Variants in ROBO2 observed in about 807,000 individuals in gnomAD.
ROBO2 encodes roundabout homolog 2.
ROBO2 carries 53 observed loss-of-function variants against 160.8 expected under a neutral mutation model. That is an observed-to-expected ratio of 0.33 (90% CI 0.26 to 0.41). ROBO2 has a LOEUF of 0.41. Among genes scored for constraint, ROBO2 ranks in the 10% least tolerant of loss-of-function variants. The pLI, the probability that ROBO2 is intolerant of heterozygous loss-of-function variation, is 1.00. For missense variants in ROBO2, 1,577 were observed against 1,722.4 expected (o/e 0.92, Z 1.49); for synonymous variants, 664 against 611.7 (o/e 1.09, Z -1.26).
intron 1 of ROBO2, among the ~76,000 whole-genome samples, chr3:77,069,110 T>C (rs1036119574): frequency 6.6e-6 from 1 of 152,154 alleles, no homozygotes; most frequent in African/African-American, 2.4e-5. Flanking sequence ...CCTAAATATT[T>C]ACAGTCTTGC....
At chr3:76,123,736 T>C (rs2070848277) in intron 2 of ROBO2, among the ~76,000 whole-genome samples, 1 of 152,140 alleles carries the variant, frequency 6.6e-6, no homozygotes, top group Non-Finnish European at 1.5e-5. Context: ...TACTTCCTTT[T>C]TCTAATGTAC....
intron 2 of ROBO2, among the ~76,000 whole-genome samples, chr3:77,208,040 C>T (rs1475963543): frequency 1.3e-5 from 2 of 152,252 alleles, no homozygotes; most frequent in African/African-American, 2.4e-5. Context: ...TGAGCGCTCT[C>T]CTGTAAAGAG....
intron 2 of ROBO2, among the ~76,000 whole-genome samples, chr3:77,293,345 A>G (rs2061559070): frequency 6.6e-6 from 1 of 150,546 alleles, no homozygotes; most frequent in Non-Finnish European, 1.5e-5. Flanking sequence ...GTAAAGACAT[A>G]AAGTAAAATT....
chr3:76,152,784 C>T (rs1344270275), intron 2 of ROBO2, among the ~76,000 whole-genome samples: 1 of 152,032 alleles, frequency 6.6e-6, no homozygotes, highest in Non-Finnish European at 1.5e-5. Flanking sequence ...AGGAAGTCAC[C>T]AGCACTTCTA....
chr3:76,251,109 C>T (rs1251750850), intron 2 of ROBO2, among the ~76,000 whole-genome samples: 1 of 151,944 alleles, frequency 6.6e-6, no homozygotes, highest in Non-Finnish European at 1.5e-5. Context: ...CCTTCCTACC[C>T]CTGCAGCCTT....
chr3:76,447,795 A>G (rs1188777848), intron 2 of ROBO2, among the ~76,000 whole-genome samples: 2 of 150,994 alleles, frequency 1.3e-5, no homozygotes, highest in African/African-American at 4.9e-5. Flanking sequence ...CACAAGGACA[A>G]AAAACCAAGC....
chr3:76,476,784 T>C (rs1577469790), intron 2 of ROBO2, among the ~76,000 whole-genome samples: 1 of 152,104 alleles, frequency 6.6e-6, no homozygotes, highest in Admixed American at 6.6e-5. Context: ...CACGTTCCCA[T>C]GGTATCTTTA....
At chr3:77,382,091 C>T (rs1471851986) in intron 2 of ROBO2, among the ~76,000 whole-genome samples, 2 of 151,946 alleles carry the variant, frequency 1.3e-5, no homozygotes, top group African/African-American at 2.4e-5. Flanking sequence ...AGGGTCATAC[C>T]AACAAAGGAA....
chr3:76,310,543 A>G (rs1011962630), intron 2 of ROBO2, among the ~76,000 whole-genome samples: 6 of 152,320 alleles, frequency 3.9e-5, no homozygotes, highest in African/African-American at 1.2e-4. Flanking sequence ...CATCTAATAA[A>G]TATTTCAGAC....
chr3:76,443,811 T>C (rs891804958), intron 2 of ROBO2, among the ~76,000 whole-genome samples: 4 of 152,190 alleles, frequency 2.6e-5, no homozygotes, highest in Admixed American at 6.6e-5. Flanking sequence ...TCTCCAGATA[T>C]TTCTTGTTGA....
At chr3:77,468,909 G>A (rs951508840) in intron 2 of ROBO2, among the ~76,000 whole-genome samples, 2 of 152,202 alleles carry the variant, frequency 1.3e-5, no homozygotes, top group South Asian at 2.1e-4. Flanking sequence ...AGCGGCCCCC[G>A]GATGTCTCCC....
At chr3:76,995,849 T>G (rs2060970025) in intron 2 of ROBO2, among the ~76,000 whole-genome samples, 1 of 152,228 alleles carries the variant, frequency 6.6e-6, no homozygotes, top group African/African-American at 2.4e-5. Context: ...TTCTGGGTAT[T>G]AGCCCTTTGT....
chr3:77,401,952 C>A (rs1203288472), intron 2 of ROBO2, among the ~76,000 whole-genome samples: 1 of 152,092 alleles, frequency 6.6e-6, no homozygotes, highest in Non-Finnish European at 1.5e-5. Flanking sequence ...GGATTAGAAA[C>A]CATTCTACTA....
chr3:76,732,080 G>A (rs529885917), intron 2 of ROBO2, among the ~76,000 whole-genome samples: 161 of 152,208 alleles, frequency 1.1e-3, no homozygotes, highest in African/African-American at 3.5e-3. Flanking sequence ...GAAATTATGT[G>A]CCATTAGTAG....
At chr3:76,833,782 GAC>G (rs1207623710) in intron 2 of ROBO2, among the ~76,000 whole-genome samples, 2 of 152,062 alleles carry the variant, frequency 1.3e-5, no homozygotes, top group Non-Finnish European at 2.9e-5. Flanking sequence ...TGCCCACAGG[GAC>G]ACAGTCATTC....
At chr3:77,270,772 G>A (rs1037557594) in intron 2 of ROBO2, among the ~76,000 whole-genome samples, 2 of 151,958 alleles carry the variant, frequency 1.3e-5, no homozygotes, top group South Asian at 2.1e-4. Context: ...GTGAAACCCC[G>A]TCTCTACTAA....
chr3:77,340,455 G>T (rs2066942826), intron 2 of ROBO2, among the ~76,000 whole-genome samples: 1 of 152,082 alleles, frequency 6.6e-6, no homozygotes, highest in African/African-American at 2.4e-5. Flanking sequence ...GTTCTTTGGT[G>T]TTCTTAGGAG....
At chr3:76,382,225 C>T (rs2076663374) in intron 2 of ROBO2, among the ~76,000 whole-genome samples, 1 of 152,164 alleles carries the variant, frequency 6.6e-6, no homozygotes. Flanking sequence ...ACCTCGGCCT[C>T]TCAAAATTCT....
chr3:76,854,074 G>GCC (rs879684448), intron 2 of ROBO2, among the ~76,000 whole-genome samples: 12,371 of 68,266 alleles, frequency 0.18, 790 homozygotes, highest in South Asian at 0.25. Context: ...CTCTTTCTCT[G>GCC]TCTGCCTCTC....
Sources: allele counts gnomAD v4.1 joint callset (sites outside exome capture counted in the v4.1 genomes callset), GRCh38; gene constraint gnomAD v4.1.1; transcripts MANE v1.5; gene names NCBI Gene and HGNC (gene_info 2026-07-23, HGNC 2026-07-21).